Variants in NOTCH2 observed in about 807,000 individuals in gnomAD.
NOTCH2 encodes the protein neurogenic locus notch homolog protein 2.
NOTCH2 carries 29 observed loss-of-function variants against 235.8 expected under a neutral mutation model. The ratio of observed to expected loss-of-function variants is 0.12; its 90% CI spans 0.09 to 0.17. The LOEUF (loss-of-function observed/expected upper bound fraction) is 0.17, where lower values mean the gene tolerates loss of function less well. NOTCH2 is among the 10% of genes least tolerant of loss of function. The pLI is 1.00. For synonymous variants in NOTCH2, 1,086 were observed against 1,141.5 expected (o/e 0.95, Z 0.98); for missense variants, 2,285 against 3,150.2 (o/e 0.73, Z 6.57).
intron 5 of NOTCH2, among the ~76,000 whole-genome samples, chr1:119,970,508 A>G (rs922853760): frequency 2.6e-5 from 4 of 152,166 alleles, no homozygotes; most frequent in South Asian, 2.1e-4. Flanking sequence ...AGTCCACCCA[A>G]TGTACTAGGA....
intron 2 of NOTCH2, among the ~76,000 whole-genome samples, chr1:120,011,970 C>T (rs1486640254): frequency 2.1e-5 from 3 of 145,938 alleles, no homozygotes; most frequent in South Asian, 2.2e-4. Flanking sequence ...GAGCCAAGAT[C>T]GCGCCACTGC....
chr1:119,942,346 AC>A (rs1432905837), intron 17 of NOTCH2, among the ~76,000 whole-genome samples: 3 of 152,246 alleles, frequency 2.0e-5, no homozygotes, highest in Non-Finnish European at 2.9e-5. Context: ...ACGGCACTCT[AC>A]AATTATATGC....
rs114170426 is a variant in NOTCH2 at position 119,980,891 on chromosome 1, G to A, written c.874+6069C>T. ...TTAACTTGAGGATGCTATCATGGCC[G>A]AGCTCTCTTCCCACCTCTCAAACCT... On this transcript the variant is annotated intron_variant, in intron 5 of 33. Coordinates refer to ENST00000256646, the MANE Select transcript of NOTCH2 (RefSeq NM_024408.4). 7.9e-3 allele frequency among the ~76,000 whole-genome samples: 1,206 copies of A among 152,220 alleles called. 15 individuals are homozygous for A. The highest frequency in any genetic ancestry group is 0.026 in the African/African-American group (1,089 of 41,518).
In NOTCH2 at chr1:119,920,338, T is replaced by C. The variant is rs774363863; in HGVS notation, c.5370A>G (p.Thr1790=). The C allele has an allele frequency of 1.2e-6, 2 of 1,614,106 alleles. No homozygotes were observed. The highest frequency in any genetic ancestry group is 2.7e-5 in the African/African-American group (2 of 74,928). The change falls in exon 30 of 34, where the codon ACA becomes ACG. Residue 1790 remains threonine (T), a synonymous_variant. Transcript: ENST00000256646. ...TGTCTGCAGCTTCAAGGTGCTGCTG[T>C]GTCCATGGCCGTCGATCAATGGGGT... ...EDDPIDRRPW[T]QQHLEAADIR... is the part of the protein sequence containing the mutation.
At chr1:119,960,549 C>G (rs1430585938) in intron 11 of NOTCH2, among the ~76,000 whole-genome samples, 1 of 151,428 alleles carries the variant, frequency 6.6e-6, no homozygotes, top group Non-Finnish European at 1.5e-5. Flanking sequence ...GTGATGCTTT[C>G]TGAGTATCAC....
At chr1:120,033,739 T>C (rs1654192812) in intron 1 of NOTCH2, among the ~76,000 whole-genome samples, 1 of 151,788 alleles carries the variant, frequency 6.6e-6, no homozygotes, top group African/African-American at 2.4e-5. Context: ...GAGTGGTGAA[T>C]ATAGTTAATA....
chr1:119,938,038 A>C (rs1557812617), intron 19 of NOTCH2, 28 bp from the exon 20 acceptor site: 1 of 1,611,542 alleles, frequency 6.2e-7, no homozygotes, highest in Admixed American at 1.7e-5. Context: ...GTGTACATAC[A>C]TCAAAATTCA....
In NOTCH2 at chr1:119,920,425, C is replaced by T. The variant is rs200456631; in HGVS notation, c.5311-28G>A. ...GAAAGGTGAAAACAATGCTCCCTAT[C>T]AATCTGGCCACCACCAGAAACTGCT... is the stretch of plus-strand genomic sequence containing the variant. On this transcript the variant is annotated intron_variant, in intron 29 of 33. Transcript: ENST00000256646. The T allele has an allele frequency of 8.7e-4, 1,398 of 1,613,658 alleles. 4 individuals carry two copies. The Middle Eastern group carries it at 0.011, about 12-fold the overall frequency.
intron 5 of NOTCH2, among the ~76,000 whole-genome samples, chr1:119,985,188 A>G (rs934328694): frequency 2.0e-5 from 3 of 152,120 alleles, no homozygotes; most frequent in Admixed American, 6.6e-5. Context: ...CAGGGCAAAA[A>G]CAAGGCTTCT....
intron 5 of NOTCH2, among the ~76,000 whole-genome samples, chr1:119,982,358 C>T (rs1553201747): frequency 6.6e-6 from 1 of 152,210 alleles, no homozygotes; most frequent in Admixed American, 6.5e-5. Context: ...AAATAAATCA[C>T]ATCTGCCCCA....
intron 21 of NOTCH2, among the ~76,000 whole-genome samples, chr1:119,935,973 G>A (rs782686619): frequency 3.3e-5 from 5 of 152,134 alleles, no homozygotes; most frequent in Admixed American, 6.5e-5. Flanking sequence ...CCTATGACTC[G>A]GTCAAAAGGC....
chr1:119,939,010 C>CAG (rs1649968115), intron 19 of NOTCH2, among the ~76,000 whole-genome samples: 1 of 152,144 alleles, frequency 6.6e-6, no homozygotes, highest in South Asian at 2.1e-4. Context: ...TCACTTACTC[C>CAG]AGTTCAGGTT....
intron 30 of NOTCH2, 125 bp from the exon 31 acceptor site, chr1:119,919,738 A>C: frequency 1.1e-6 from 1 of 912,910 alleles, no homozygotes; most frequent in Admixed American, 2.0e-5. Flanking sequence ...TTCTTGTAGT[A>C]ACTGGTTATT....
chr1:119,941,814 A>G, intron 17 of NOTCH2, 60 bp from the exon 18 acceptor site: 1 of 1,293,108 alleles, frequency 7.7e-7, no homozygotes, highest in Non-Finnish European at 1.1e-6. Context: ...TCTTAGATTC[A>G]TAAAAGTGAA....
In NOTCH2 at chr1:119,996,810, T is replaced by C. The variant is rs587626999; in HGVS notation, c.751+187A>G. 54 of 792,994 alleles carry C rather than the reference T, an allele frequency of 6.8e-5. No individual in the cohort carries two copies. In the South Asian group the frequency reaches 7.5e-4, roughly 11 times the overall value. 49.1% of individuals were successfully genotyped at this position (792,994 alleles called of 1,614,324 possible). On this transcript the variant is annotated intron_variant, in intron 4 of 33. Coordinates refer to ENST00000256646, the MANE Select transcript of NOTCH2 (RefSeq NM_024408.4). ...CATCATAAACCCTGACATGCTAAATTATCCCCTGCTCAGTTTATGGACCAC... is the reference window on the plus strand; with the variant it reads ...CATCATAAACCCTGACATGCTAAATCATCCCCTGCTCAGTTTATGGACCAC...
At chr1:119,947,173 C>T (rs2101112647) in intron 17 of NOTCH2, among the ~76,000 whole-genome samples, 1 of 152,242 alleles carries the variant, frequency 6.6e-6, no homozygotes, top group East Asian at 1.9e-4. Context: ...AAAGGAAAAA[C>T]ATGCATACAC....
intron 10 of NOTCH2, 78 bp downstream of exon 10, chr1:119,965,375 C>G: frequency 9.0e-7 from 1 of 1,112,046 alleles, no homozygotes; most frequent in South Asian, 1.2e-5. Flanking sequence ...GGCACAGCAG[C>G]TAGCAGAGGA....
At chr1:119,979,209 A>G (rs587623179) in intron 5 of NOTCH2, among the ~76,000 whole-genome samples, 1 of 152,350 alleles carries the variant, frequency 6.6e-6, no homozygotes, top group South Asian at 2.1e-4. Flanking sequence ...GCTCTCACAG[A>G]ACACAAAACA....
intron 19 of NOTCH2, among the ~76,000 whole-genome samples, chr1:119,939,530 G>A (rs1006726287): frequency 1.3e-4 from 20 of 152,180 alleles, no homozygotes; most frequent in African/African-American, 4.8e-4. Flanking sequence ...CTGTTAATAA[G>A]CCTAAAACCG....
Sources: gnomAD v4.1 joint callset for allele counts (sites outside exome capture counted in the v4.1 genomes callset) on GRCh38, gnomAD v4.1.1 for gene constraint, MANE v1.5 for transcripts, NCBI Gene and HGNC (gene_info 2026-07-23, HGNC 2026-07-21) for gene names.